TMEM71: variants seen among roughly 807,000 people sequenced by gnomAD.
TMEM71 encodes transmembrane protein 71.
In TMEM71, 44 loss-of-function variants were observed where a neutral mutation model predicts 38.0. That is an observed-to-expected ratio of 1.16 (90% confidence interval 0.91 to 1.49). The LOEUF (loss-of-function observed/expected upper bound fraction) is 1.49. TMEM71 is among the 40% of genes most tolerant of loss of function. The probability of loss-of-function intolerance (pLI) is 0.00; values close to 1 mark genes in which losing one functional copy is unlikely to be tolerated. For missense variants in TMEM71, 367 were observed against 348.6 expected (o/e 1.05, Z -0.42); for synonymous variants, 133 against 122.5 (o/e 1.09, Z -0.56).
intron 5 of TMEM71, among the ~76,000 whole-genome samples, chr8:132,738,661 TCAAATATCTA>T (rs1311547192): frequency 3.3e-5 from 5 of 152,214 alleles, no homozygotes; most frequent in Non-Finnish European, 5.9e-5. Flanking sequence ...AAAAGGTTCT[TCAAATATCTA>T]CAATTAATAT....
chr8:132,710,933 G>C lies in TMEM71; in HGVS notation c.*34C>G. 1 of 1,600,080 alleles carries C rather than the reference G, an allele frequency of 6.2e-7. No homozygotes were observed. Among genetic ancestry groups the C allele is most frequent in the South Asian group, 1.1e-5 (1 of 90,492 alleles). On this transcript the variant is annotated 3_prime_UTR_variant, in exon 10 of 10. Coordinates refer to ENST00000677595, the MANE Select transcript of TMEM71 (RefSeq NM_001382403.1). ...TGGACAATTTCCAGATATTCAGATG[G>C]AGGACATTCATCGAAGGCATTCCTA...
chr8:132,758,995 T>C, intron 1 of TMEM71, 80 bp from the exon 2 acceptor site: 1 of 822,620 alleles, frequency 1.2e-6, no homozygotes, highest in South Asian at 1.4e-5. Context: ...ATCTACTAAT[T>C]GCACTAGTCA....
chr8:132,711,609 A>T (rs1221921808), intron 9 of TMEM71, among the ~76,000 whole-genome samples: 1 of 152,196 alleles, frequency 6.6e-6, no homozygotes, highest in Non-Finnish European at 1.5e-5. Context: ...TGATGCTAAC[A>T]CATCATTACT....
intron 1 of TMEM71, among the ~76,000 whole-genome samples, chr8:132,760,063 A>T (rs1440562310): frequency 2.0e-5 from 3 of 152,186 alleles, no homozygotes; most frequent in Non-Finnish European, 4.4e-5. Context: ...TTCCCCAAGT[A>T]TTAAGCTTAA....
At chr8:132,757,626 C>T (rs1038521324) in intron 2 of TMEM71, among the ~76,000 whole-genome samples, 2 of 151,956 alleles carry the variant, frequency 1.3e-5, no homozygotes, top group East Asian at 3.9e-4. Flanking sequence ...GAGATCTAAA[C>T]CATCCTGGCT....
the TMEM71 span, among the ~76,000 whole-genome samples, chr8:132,766,030 T>C: frequency 6.6e-5 from 10 of 152,090 alleles, no homozygotes; most frequent in Admixed American, 6.6e-4. Context: ...GTGATCCACC[T>C]GCCTCAGCCT....
chr8:132,760,076 T>A (rs1296702350), intron 1 of TMEM71, among the ~76,000 whole-genome samples: 1 of 152,182 alleles, frequency 6.6e-6, no homozygotes, highest in Admixed American at 6.6e-5. Context: ...AAGCTTAATT[T>A]TAAGCCTATA....
intron 4 of TMEM71, among the ~76,000 whole-genome samples, chr8:132,748,417 T>A (rs1482282469): frequency 6.6e-6 from 1 of 152,250 alleles, no homozygotes; most frequent in East Asian, 1.9e-4. Context: ...TTAAACATCC[T>A]ACAATGCACA....
chr8:132,769,978 C>CTA, the TMEM71 span, among the ~76,000 whole-genome samples: 1 of 152,212 alleles, frequency 6.6e-6, no homozygotes, highest in Non-Finnish European at 1.5e-5. Context: ...AAAGAATGAT[C>CTA]ACTAAGAGAG....
intron 5 of TMEM71, among the ~76,000 whole-genome samples, chr8:132,729,268 T>G (rs1340533979): frequency 6.6e-6 from 1 of 152,188 alleles, no homozygotes; most frequent in African/African-American, 2.4e-5. Context: ...AGGATGAATG[T>G]GTTAAGAATG....
At chr8:132,739,461 G>A (rs1251566578) in intron 5 of TMEM71, among the ~76,000 whole-genome samples, 8 of 152,090 alleles carry the variant, frequency 5.3e-5, no homozygotes, top group Admixed American at 4.6e-4. Context: ...ACAGGTGCCC[G>A]CCACCATGCC....
chr8:132,750,737 G>T (rs1167251025), intron 4 of TMEM71, among the ~76,000 whole-genome samples: 2 of 152,184 alleles, frequency 1.3e-5, no homozygotes, highest in Non-Finnish European at 2.9e-5. Context: ...ATTTACCAAT[G>T]CAAAGTGAAC....
intron 3 of TMEM71, among the ~76,000 whole-genome samples, chr8:132,755,326 C>T (rs958526154): frequency 1.3e-5 from 2 of 152,208 alleles, no homozygotes; most frequent in African/African-American, 4.8e-5. Flanking sequence ...TGAACAATAT[C>T]AAACCTTTAG....
At chr8:132,725,761 C>T (rs1195259114) in intron 6 of TMEM71, among the ~76,000 whole-genome samples, 1 of 152,174 alleles carries the variant, frequency 6.6e-6, no homozygotes, top group African/African-American at 2.4e-5. Flanking sequence ...GCTACCTCCA[C>T]CAGCCAGAAG....
At chr8:132,711,623 A>T (rs1218120864) in intron 9 of TMEM71, among the ~76,000 whole-genome samples, 1 of 152,178 alleles carries the variant, frequency 6.6e-6, no homozygotes, top group African/African-American at 2.4e-5. Flanking sequence ...CATTACTAAC[A>T]TGAGATACCT....
chr8:132,743,345 C>A (rs1244031974), intron 5 of TMEM71, among the ~76,000 whole-genome samples: 1 of 152,084 alleles, frequency 6.6e-6, no homozygotes, highest in Non-Finnish European at 1.5e-5. Flanking sequence ...TTCTCTTCTG[C>A]CACTTTCACT....
intron 7 of TMEM71, among the ~76,000 whole-genome samples, chr8:132,718,733 A>G (rs1424350913): frequency 6.6e-6 from 1 of 152,198 alleles, no homozygotes; most frequent in African/African-American, 2.4e-5. Flanking sequence ...ATTGTTAAAA[A>G]TTTCACAGCA....
At chr8:132,758,725 A>G in intron 2 of TMEM71, 115 bp downstream of exon 2, 3 of 822,060 alleles carry the variant, frequency 3.6e-6, no homozygotes, top group Non-Finnish European at 6.2e-6. Context: ...AAGAAGCACA[A>G]GCTACTGACA....
At chr8:132,730,083 C>G (rs541754481) in intron 5 of TMEM71, among the ~76,000 whole-genome samples, 1 of 152,018 alleles carries the variant, frequency 6.6e-6, no homozygotes, top group Admixed American at 6.6e-5. Context: ...CTCAGCCTCC[C>G]GAATAGCTGG....
Sources: allele counts gnomAD v4.1 joint callset (sites outside exome capture counted in the v4.1 genomes callset), GRCh38; gene constraint gnomAD v4.1.1; transcripts MANE v1.5; gene names NCBI Gene and HGNC (gene_info 2026-07-23, HGNC 2026-07-21).